ZDHHC23: variants seen among roughly 807,000 people sequenced by gnomAD.
ZDHHC23 encodes the protein zDHHC palmitoyltransferase 23.
A neutral mutation model predicts 40.2 loss-of-function variants in ZDHHC23; 41 were observed. The ratio of observed to expected loss-of-function variants is 1.02; its 90% CI spans 0.79 to 1.32. The LOEUF (loss-of-function observed/expected upper bound fraction) is 1.32, where lower values mean the gene tolerates loss of function less well. ZDHHC23 is among the 40% of genes most tolerant of loss of function. The pLI is 0.00. For synonymous variants in ZDHHC23, 204 were observed against 210.2 expected, an observed-to-expected ratio of 0.97 and a Z score of 0.26; for missense variants, 471 against 541.5, an observed-to-expected ratio of 0.87 and a Z score of 1.29.
the ZDHHC23 span, among the ~76,000 whole-genome samples, chr3:113,970,479 C>G: frequency 6.6e-6 from 1 of 152,116 alleles, no homozygotes; most frequent in South Asian, 2.1e-4. Flanking sequence ...TTATTTTTTT[C>G]TCTTGTCTAA....
At chr3:113,951,187 G>C (rs1000045219) in intron 2 of ZDHHC23, among the ~76,000 whole-genome samples, 1 of 152,156 alleles carries the variant, frequency 6.6e-6, no homozygotes, top group African/African-American at 2.4e-5. Flanking sequence ...TGTCCCCACA[G>C]CTCCAAGCAG....
chr3:113,958,670 C>G lies in ZDHHC23; in HGVS notation c.*40C>G. ...GGCTCTCTGAGGGATGATGGCTCCT[C>G]CTTCCGTCTCCCTTCCATTTTACAC... On this transcript the variant is annotated 3_prime_UTR_variant, in exon 5 of 5. Transcript: ENST00000638807. 2.5e-6 allele frequency: 4 copies of G among 1,593,490 alleles called. No individual in the cohort carries two copies. The highest frequency in any genetic ancestry group is 1.7e-6 in the Non-Finnish European group (2 of 1,177,522).
the ZDHHC23 span, among the ~76,000 whole-genome samples, chr3:113,977,031 A>AAGAT: frequency 1.3e-5 from 2 of 152,218 alleles, no homozygotes; most frequent in African/African-American, 4.8e-5. Flanking sequence ...TCATGGCAAT[A>AAGAT]AGATAGGAAC....
At position 113,962,337 on chromosome 3, in the gene ZDHHC23, T is replaced by C. The variant is rs1284143073; in HGVS notation, c.*3707T>C. On this transcript the variant is annotated 3_prime_UTR_variant, in exon 5 of 5. Coordinates refer to ENST00000638807, the MANE Select transcript of ZDHHC23 (RefSeq NM_001320466.2). ...TCCACGCTTCAGCTGGCACTAAGTG[T>C]TTTCATTGTAGGATCAGCAGCAGGT... is the stretch of plus-strand genomic sequence containing the variant. The C allele has an allele frequency of 2.0e-5, 3 of 152,170 alleles. No homozygotes were observed. In the East Asian group the frequency reaches 5.8e-4, roughly 29 times the overall value. The allele number at this position is 152,170 out of a possible 1,614,324, so 9.4% of individuals were successfully genotyped here. A position where few individuals can be genotyped will look rare whatever the true frequency, so the allele number is the denominator to read the frequency against.
chr3:113,960,841 T>C lies in ZDHHC23; in HGVS notation c.*2211T>C, dbSNP rs995700401. 13 of 1,466,462 alleles carry C rather than the reference T, an allele frequency of 8.9e-6. No individual in the cohort carries two copies. In the East Asian group the frequency reaches 2.0e-4, roughly 23 times the overall value. The allele number at this position is 1,466,462 out of a possible 1,614,324, so 90.8% of individuals were successfully genotyped here. A position where few individuals can be genotyped will look rare whatever the true frequency, so the allele number is the denominator to read the frequency against. ...TTCCTTGAGAACCCATGATGGACAG[T>C]TGACAGAATGCTTAAACCTGTCAAA... On this transcript the variant is annotated 3_prime_UTR_variant, in exon 5 of 5. Coordinates refer to ENST00000638807, the MANE Select transcript of ZDHHC23 (RefSeq NM_001320466.2).
At chr3:113,965,703 C>T (rs1013025939), downstream of ZDHHC23, among the ~76,000 whole-genome samples, 1 of 152,136 alleles carries the variant, frequency 6.6e-6, no homozygotes, top group South Asian at 2.1e-4. Flanking sequence ...GATTCTTGTG[C>T]CTCAGCCTCC....
Position 113,956,425 on chromosome 3 carries a change from C to T in ZDHHC23, c.959C>T (p.Thr320Ile), listed in dbSNP as rs978752427. 3 of 1,614,086 alleles carry T rather than the reference C, an allele frequency of 1.9e-6. No individual in the cohort carries two copies. The highest frequency in any genetic ancestry group is 2.5e-6 in the Non-Finnish European group (3 of 1,180,042). Residue 320 changes from threonine (T) to isoleucine (I), a missense_variant, in exon 4 of 5, where the codon ACA becomes ATA. Transcript: ENST00000638807. ...TTGCTCACCTCGGTGTATGGGATCA[C>T]ACTGACCTTGGACACCATTTGTAGA... ...IFLLTSVYGI[T>I]LTLDTICRDR...
At position 113,953,934 on chromosome 3, in the gene ZDHHC23, C is replaced by G. The variant is rs1938924800; in HGVS notation, c.396C>G (p.His132Gln). The G allele has an allele frequency of 2.5e-6, 4 of 1,614,048 alleles. No individual in the cohort carries two copies. Among genetic ancestry groups the G allele is most frequent in the Non-Finnish European group, 3.4e-6 (4 of 1,180,044 alleles). Residue 132 changes from histidine to glutamine, a missense_variant, in exon 3 of 5, where the codon CAC (histidine) becomes CAG (glutamine). By Grantham distance (24) the His-to-Gln change is conservative (BLOSUM62 0). Coordinates refer to ENST00000638807, the MANE Select transcript of ZDHHC23 (RefSeq NM_001320466.2). ...CACTGTGGTACTACTACCTCACTCA[C>G]AGAAGGAAAGAACAGACCCTGTTTT... ...VLALWYYYLT[H>Q]RRKEQTLFFL...
the ZDHHC23 span, among the ~76,000 whole-genome samples, chr3:113,977,869 A>G: frequency 1.8e-3 from 279 of 152,354 alleles, 2 homozygotes; most frequent in African/African-American, 6.4e-3. Flanking sequence ...AAATAAAACT[A>G]TATTTGACTA....
At chr3:113,956,578 C>T (rs1939246391) in intron 4 of ZDHHC23, 72 bp downstream of exon 4, 7 of 1,464,120 alleles carry the variant, frequency 4.8e-6, no homozygotes, top group Non-Finnish European at 6.4e-6. Context: ...GGGACTATTA[C>T]TACTTGGTTA....
the ZDHHC23 span, among the ~76,000 whole-genome samples, chr3:113,973,754 T>C: frequency 7.2e-5 from 11 of 152,196 alleles, no homozygotes; most frequent in African/African-American, 2.6e-4. Context: ...ATCCTCTTTG[T>C]CCTTGACGTT....
chr3:113,965,233 CTGG>C, downstream of ZDHHC23: 1 of 1,612,188 alleles, frequency 6.2e-7, no homozygotes, highest in Non-Finnish European at 8.5e-7. Flanking sequence ...TTCCAGGTAC[CTGG>C]AAGTCTGGAA....
At position 113,953,950 on chromosome 3, in the gene ZDHHC23, A is replaced by G. The variant is rs1938926213; in HGVS notation, c.412A>G (p.Thr138Ala). 1 of 1,613,890 alleles carries G rather than the reference A, an allele frequency of 6.2e-7. No homozygotes were observed. Among genetic ancestry groups the G allele is most frequent in the African/African-American group, 1.3e-5 (1 of 74,844 alleles). The change falls in exon 3 of 5, where the codon ACC becomes GCC. Residue 138 changes from threonine (T) to alanine (A), a missense_variant. Transcript: ENST00000638807. ...CCTCACTCACAGAAGGAAAGAACAG[A>G]CCCTGTTTTTCCTGAGCCTTGGACT... is the stretch of plus-strand genomic sequence containing the variant. Reference protein sequence around the residue: ...YYLTHRRKEQTLFFLSLGLFS... With the variant: ...YYLTHRRKEQALFFLSLGLFS...
At chr3:113,977,061 A>G in the ZDHHC23 span, among the ~76,000 whole-genome samples, 3 of 152,188 alleles carry the variant, frequency 2.0e-5, no homozygotes, top group Admixed American at 2.0e-4. Flanking sequence ...AGGAACAGAA[A>G]TAAACACCCA....
intron 3 of ZDHHC23, 132 bp downstream of exon 3, chr3:113,954,542 G>C (rs1327413284): frequency 3.6e-6 from 3 of 842,204 alleles, no homozygotes; most frequent in Non-Finnish European, 5.3e-6. Flanking sequence ...TTTGTGGGTT[G>C]TTGTGATGTT....
the ZDHHC23 span, among the ~76,000 whole-genome samples, chr3:113,972,070 A>G: frequency 8.9e-4 from 136 of 151,982 alleles, no homozygotes; most frequent in Admixed American, 4.1e-3. Flanking sequence ...GTCTCAATTC[A>G]TTTATTTCTG....
chr3:113,954,225 G>T lies in ZDHHC23; in HGVS notation c.687G>T (p.Met229Ile), dbSNP rs767491042. The T allele has an allele frequency of 6.2e-7, 1 of 1,614,232 alleles. No homozygotes were observed. Among genetic ancestry groups the T allele is most frequent in the African/African-American group, 1.3e-5 (1 of 75,072 alleles). Reference protein sequence around the residue: ...EKTKGFPGADMSGSLNNRTTK... With the variant: ...EKTKGFPGADISGSLNNRTTK... ...CCAAAGGGTTCCCTGGGGCAGACAT[G>T]TCGGGCAGTCTCAACAATCGCACAA... The change falls in exon 3 of 5, where the codon ATG becomes ATT. Residue 229 changes from methionine to isoleucine, a missense_variant. Met to Ile is a conservative substitution (Grantham distance 10). Coordinates refer to ENST00000638807, the MANE Select transcript of ZDHHC23 (RefSeq NM_001320466.2).
the ZDHHC23 span, chr3:113,978,763 A>C: frequency 1.5e-6 from 2 of 1,350,694 alleles, no homozygotes; most frequent in East Asian, 2.3e-5. Context: ...TCTTGAAAAA[A>C]CATAATGACC....
intron 3 of ZDHHC23, among the ~76,000 whole-genome samples, chr3:113,954,898 A>C (rs536922573): frequency 6.6e-6 from 1 of 152,174 alleles, no homozygotes; most frequent in Non-Finnish European, 1.5e-5. Flanking sequence ...TATTGAATCG[A>C]GGTCCCACCA....
Sources: allele counts gnomAD v4.1 joint callset (sites outside exome capture counted in the v4.1 genomes callset), GRCh38; gene constraint gnomAD v4.1.1; transcripts MANE v1.5; gene names NCBI Gene and HGNC (gene_info 2026-07-23, HGNC 2026-07-21).